The following HHAT variants were observed in gnomAD, a reference collection of about 807,000 sequenced individuals.
HHAT encodes protein-cysteine N-palmitoyltransferase HHAT.
In HHAT, 47 loss-of-function variants were observed where a neutral mutation model predicts 70.8. The observed-to-expected ratio is 0.66, with a 90% CI of 0.53 to 0.85. The LOEUF is 0.85. Ranked by LOEUF, HHAT falls within the 40% of genes least tolerant of loss-of-function variation. The pLI is 0.00. For missense variants in HHAT, 609 were observed against 604.8 expected (o/e 1.01, Z -0.07); for synonymous variants, 228 against 247.6 (o/e 0.92, Z 0.74).
chr1:210,352,522 A>G (rs904712185), intron 2 of HHAT, among the ~76,000 whole-genome samples: 4 of 152,186 alleles, frequency 2.6e-5, no homozygotes, highest in Non-Finnish European at 5.9e-5. Context: ...CGTGCTGCCT[A>G]GAATAGACTA....
chr1:210,391,893 AG>A (rs2091483800), intron 4 of HHAT, among the ~76,000 whole-genome samples: 1 of 151,982 alleles, frequency 6.6e-6, no homozygotes, highest in African/African-American at 2.4e-5. Context: ...CTTTACAGAC[AG>A]GATCTCATTG....
intron 3 of HHAT, among the ~76,000 whole-genome samples, chr1:210,384,977 T>C (rs907526794): frequency 6.6e-6 from 1 of 152,204 alleles, no homozygotes; most frequent in East Asian, 1.9e-4. Context: ...GAGAGACATT[T>C]TTATTTCCTT....
chr1:210,529,319 A>G (rs945061645), intron 9 of HHAT, among the ~76,000 whole-genome samples: 5 of 89,054 alleles, frequency 5.6e-5, no homozygotes, highest in South Asian at 7.2e-4. Flanking sequence ...AAAACAAAGG[A>G]AAAAAAAAAA....
intron 10 of HHAT, among the ~76,000 whole-genome samples, chr1:210,613,725 A>G (rs761813442): frequency 6.6e-5 from 10 of 152,166 alleles, no homozygotes; most frequent in Admixed American, 5.2e-4. Context: ...TATTTTAACA[A>G]TATTCTTCCC....
At chr1:210,376,873 T>C (rs991083624) in intron 3 of HHAT, among the ~76,000 whole-genome samples, 2 of 152,234 alleles carry the variant, frequency 1.3e-5, no homozygotes, top group African/African-American at 4.8e-5. Context: ...TTCCCCTAGA[T>C]AGATGGCAAA....
At chr1:210,652,424 A>G (rs564779560) in intron 11 of HHAT, among the ~76,000 whole-genome samples, 12 of 152,272 alleles carry the variant, frequency 7.9e-5, no homozygotes, top group African/African-American at 2.6e-4. Context: ...GAAACAGTGA[A>G]ATTTGAGCTG....
At chr1:210,616,118 A>T (rs901880101) in intron 10 of HHAT, among the ~76,000 whole-genome samples, 1 of 152,230 alleles carries the variant, frequency 6.6e-6, no homozygotes, top group African/African-American at 2.4e-5. Flanking sequence ...ATATTTTGAA[A>T]TGTGTATACC....
chr1:210,671,500 A>G (rs187604381), intron 11 of HHAT, among the ~76,000 whole-genome samples: 2 of 152,342 alleles, frequency 1.3e-5, no homozygotes, highest in African/African-American at 4.8e-5. Context: ...TCATTTGGGA[A>G]TAGGTTCTTT....
intron 7 of HHAT, among the ~76,000 whole-genome samples, chr1:210,424,907 C>CT (rs1455636734): frequency 2.6e-5 from 4 of 152,150 alleles, no homozygotes; most frequent in Non-Finnish European, 5.9e-5. Flanking sequence ...GTCTTTAGGT[C>CT]TTTCAGGAAT....
intron 8 of HHAT, among the ~76,000 whole-genome samples, chr1:210,480,196 A>G (rs2094372314): frequency 6.6e-6 from 1 of 152,160 alleles, no homozygotes; most frequent in African/African-American, 2.4e-5. Flanking sequence ...CCCTCCAGGG[A>G]TACTGACACC....
chr1:210,333,248 C>T (rs2085157757), intron 1 of HHAT, among the ~76,000 whole-genome samples: 1 of 152,112 alleles, frequency 6.6e-6, no homozygotes, highest in African/African-American at 2.4e-5. Flanking sequence ...AGTCAAACCT[C>T]CCTCTTAATG....
chr1:210,439,385 A>G (rs1215761106), intron 7 of HHAT, among the ~76,000 whole-genome samples: 1 of 151,726 alleles, frequency 6.6e-6, no homozygotes. Flanking sequence ...TCAGCCCCAT[A>G]CATATGGGCA....
chr1:210,669,563 A>T (rs11799807), intron 11 of HHAT, among the ~76,000 whole-genome samples: 3,958 of 152,264 alleles, frequency 0.026, 57 homozygotes, highest in Middle Eastern at 0.061. Context: ...TGTCCTATTA[A>T]TTATATTATC....
At chr1:210,646,383 T>G (rs891065595) in intron 11 of HHAT, among the ~76,000 whole-genome samples, 1 of 152,206 alleles carries the variant, frequency 6.6e-6, no homozygotes, top group Non-Finnish European at 1.5e-5. Flanking sequence ...TGTTTTCTAA[T>G]CTCCAAAGGA....
At chr1:210,348,729 A>ATGTGTG (rs1224033253) in intron 1 of HHAT, among the ~76,000 whole-genome samples, 120 of 72,334 alleles carry the variant, frequency 1.7e-3, no homozygotes, top group African/African-American at 6.8e-3. Flanking sequence ...TGTGTGGTGT[A>ATGTGTG]TGTGTGCGTG....
At chr1:210,455,526 C>T (rs2093846356) in intron 7 of HHAT, among the ~76,000 whole-genome samples, 1 of 152,094 alleles carries the variant, frequency 6.6e-6, no homozygotes, top group Non-Finnish European at 1.5e-5. Context: ...CTCTGTTCCA[C>T]GTCTGGCCTC....
chr1:210,371,225 C>T (rs2089544738), intron 3 of HHAT, among the ~76,000 whole-genome samples: 1 of 152,114 alleles, frequency 6.6e-6, no homozygotes, highest in Admixed American at 6.6e-5. Context: ...AACCATGGTT[C>T]ACTGTAACCT....
chr1:210,485,265 C>A (rs2094457229), intron 8 of HHAT, among the ~76,000 whole-genome samples: 1 of 152,092 alleles, frequency 6.6e-6, no homozygotes, highest in South Asian at 2.1e-4. Flanking sequence ...AGCTCCTCCT[C>A]CTAGGGTATG....
At chr1:210,510,215 G>A (rs2094930385) in intron 8 of HHAT, among the ~76,000 whole-genome samples, 1 of 152,162 alleles carries the variant, frequency 6.6e-6, no homozygotes, top group African/African-American at 2.4e-5. Flanking sequence ...GAGGAGATGG[G>A]AGAGGGAATT....
Sources: allele counts gnomAD v4.1 joint callset (sites outside exome capture counted in the v4.1 genomes callset), GRCh38; gene constraint gnomAD v4.1.1; transcripts MANE v1.5; gene names NCBI Gene and HGNC (gene_info 2026-07-23, HGNC 2026-07-21).